RNF130: variants seen among roughly 807,000 people sequenced by gnomAD.
The protein encoded by RNF130 is ring finger protein 130.
RNF130 carries 21 observed loss-of-function variants against 44.6 expected under a neutral mutation model. The observed-to-expected ratio is 0.47, with a 90% CI of 0.33 to 0.68. RNF130 has a LOEUF of 0.68. RNF130 is among the 30% of genes least tolerant of loss of function. RNF130 has a pLI of 0.02. For synonymous variants in RNF130, 214 were observed against 210.4 expected, an observed-to-expected ratio of 1.02 and a Z score of -0.15; for missense variants, 479 against 560.6, an observed-to-expected ratio of 0.85 and a Z score of 1.47.
chr5:179,964,816 T>C (rs1762406389), intron 7 of RNF130, among the ~76,000 whole-genome samples: 1 of 152,226 alleles, frequency 6.6e-6, no homozygotes, highest in Non-Finnish European at 1.5e-5. Context: ...CCCCTATCTT[T>C]TAGACACCAG....
chr5:179,967,106 A>G, intron 6 of RNF130, 96 bp from the exon 7 acceptor site: 1 of 1,085,200 alleles, frequency 9.2e-7, no homozygotes, highest in Non-Finnish European at 1.4e-6. Context: ...CCTGTTGCAA[A>G]GACCTTACCA....
At chr5:180,062,380 G>A (rs1334154110) in intron 1 of RNF130, among the ~76,000 whole-genome samples, 1 of 151,892 alleles carries the variant, frequency 6.6e-6, no homozygotes, top group Non-Finnish European at 1.5e-5. Context: ...CTTTTATAAG[G>A]GCACTAATCC....
chr5:179,958,812 C>T (rs1762265249), intron 8 of RNF130, among the ~76,000 whole-genome samples: 1 of 152,102 alleles, frequency 6.6e-6, no homozygotes, highest in Non-Finnish European at 1.5e-5. Flanking sequence ...TCAGCCTTAG[C>T]TGGGATTACA....
At chr5:180,038,279 T>G (rs1764297589) in intron 2 of RNF130, among the ~76,000 whole-genome samples, 1 of 151,682 alleles carries the variant, frequency 6.6e-6, no homozygotes, top group Non-Finnish European at 1.5e-5. Flanking sequence ...GGTCTCGAAC[T>G]CCTGGGCTCA....
At chr5:179,966,048 A>C (rs1762435959) in intron 7 of RNF130, among the ~76,000 whole-genome samples, 1 of 152,178 alleles carries the variant, frequency 6.6e-6, no homozygotes, top group Admixed American at 6.5e-5. Flanking sequence ...GATGAAAGGA[A>C]CATGTAGAGA....
chr5:179,963,513 C>A lies in RNF130; in HGVS notation c.1202G>T (p.Cys401Phe). 1.2e-6 allele frequency: 2 copies of A among 1,614,050 alleles called. No homozygotes were observed. Among genetic ancestry groups the A allele is most frequent in the Non-Finnish European group, 1.7e-6 (2 of 1,179,932 alleles). The change falls in exon 8 of 9, where the codon TGC becomes TTC. Residue 401 changes from cysteine to phenylalanine, a missense_variant. Transcript: ENST00000521389. ...SFGLLSALTLCYMIIRATASL... is the reference protein window; with the variant it reads ...SFGLLSALTLFYMIIRATASL... ...AGCTGTGGCTCTGATGATCATGTAG[C>A]AGAGTGTGAGGGCACTGAGGAGGCC...
chr5:180,053,316 C>T (rs1179970330), intron 1 of RNF130, among the ~76,000 whole-genome samples: 1 of 152,090 alleles, frequency 6.6e-6, no homozygotes, highest in Non-Finnish European at 1.5e-5. Context: ...CCAATGCAGG[C>T]CCCGAACAGA....
At chr5:179,915,539 C>T (rs958772149) in exon 8 of RNF130, 1 of 152,244 alleles carries the variant, frequency 6.6e-6, no homozygotes, top group Non-Finnish European at 1.5e-5. Flanking sequence ...GCCCAGGAAC[C>T]AGGCCTGGAA....
rs139966208 is a variant in RNF130 at position 180,023,814 on chromosome 5, T to C, written c.443-10503A>G. On this transcript the variant is annotated intron_variant, in intron 2 of 8. Coordinates refer to ENST00000521389, the MANE Select transcript of RNF130 (RefSeq NM_018434.6). ...ACTCTACCCTAAGGGAGATGGAGCA[T>C]AAATCCCCACTTATTAAGTGTGGGC... is the stretch of plus-strand genomic sequence containing the variant. Among the ~76,000 whole-genome samples, 15 of 152,336 alleles carry C rather than the reference T, an allele frequency of 9.8e-5. No individual in the cohort carries two copies. In the East Asian group the frequency reaches 2.1e-3, roughly 22 times the overall value.
chr5:180,013,008 T>C (rs1004001799), intron 3 of RNF130, 53 bp downstream of exon 3: 1 of 1,563,132 alleles, frequency 6.4e-7, no homozygotes, highest in Admixed American at 1.9e-5. Flanking sequence ...TCACGACAGA[T>C]GACTGTGAAC....
In RNF130 at chr5:179,949,649, T is replaced by C. The variant is rs574916635; in HGVS notation, c.1150+17157A>G. ...AACAAAAATTATTCAACTTTATACA[T>C]TGCTTCTATTTGTAAATCTGACTTC... On this transcript the variant is annotated intron_variant, in intron 7 of 7. Coordinates refer to the RNF130 transcript ENST00000522208. Among the ~76,000 whole-genome samples, 9 of 152,312 alleles carry C rather than the reference T, an allele frequency of 5.9e-5. No homozygotes were observed. In the South Asian group the frequency reaches 1.0e-3, roughly 18 times the overall value.
At chr5:179,938,355 A>G (rs1375001532) in intron 7 of RNF130, among the ~76,000 whole-genome samples, 3 of 151,908 alleles carry the variant, frequency 2.0e-5, no homozygotes, top group African/African-American at 7.3e-5. Flanking sequence ...GCACCAGAAC[A>G]GGTATATCAT....
At chr5:179,918,315 CACGTAATTTCAT>C (rs1761581536) in exon 8 of RNF130, 1 of 152,222 alleles carries the variant, frequency 6.6e-6, no homozygotes, top group Non-Finnish European at 1.5e-5. Flanking sequence ...TACTTCTTCT[CACGTAATTTCAT>C]ACCTTTTCAG....
rs561870668 is a variant in RNF130 at position 180,001,922 on chromosome 5, G to A, written c.693+11139C>T. Among the ~76,000 whole-genome samples the A allele has an allele frequency of 6.3e-4, 96 of 152,252 alleles. 1 individual carries two copies. The highest frequency in any genetic ancestry group is 2.1e-3 in the African/African-American group (86 of 41,552). On this transcript the variant is annotated intron_variant, in intron 3 of 8. Coordinates refer to ENST00000521389, the MANE Select transcript of RNF130 (RefSeq NM_018434.6). ...GGCAAGGTGTCTCAGCTCAGTCACC[G>A]CTCTATTTCTCTGGGACATGGTGTA...
intron 3 of RNF130, among the ~76,000 whole-genome samples, chr5:179,998,933 T>A (rs1223324825): frequency 1.4e-5 from 2 of 146,090 alleles, no homozygotes; most frequent in Non-Finnish European, 3.0e-5. Context: ...ATATTTACAA[T>A]GATTATATCC....
At chr5:180,053,973 C>T (rs1035012225) in intron 1 of RNF130, among the ~76,000 whole-genome samples, 4 of 151,828 alleles carry the variant, frequency 2.6e-5, no homozygotes, top group African/African-American at 7.3e-5. Context: ...GGGACTACTA[C>T]ACCCAGCTAA....
At chr5:179,927,226 G>A (rs1047143911) in intron 7 of RNF130, among the ~76,000 whole-genome samples, 6 of 152,192 alleles carry the variant, frequency 3.9e-5, no homozygotes, top group Admixed American at 3.9e-4. Context: ...ACAAGCAGCT[G>A]AATTTCAGAG....
At chr5:180,066,448 T>C (rs527865284) in intron 1 of RNF130, among the ~76,000 whole-genome samples, 11 of 152,282 alleles carry the variant, frequency 7.2e-5, no homozygotes, top group African/African-American at 2.4e-4. Flanking sequence ...CTAATATACC[T>C]TCCCAATATG....
intron 1 of RNF130, among the ~76,000 whole-genome samples, chr5:180,051,306 G>A (rs1339289156): frequency 6.6e-6 from 1 of 151,154 alleles, no homozygotes; most frequent in Non-Finnish European, 1.5e-5. Flanking sequence ...CTGGAATGCA[G>A]TGGTGCGATC....
Sources: allele counts gnomAD v4.1 joint callset (sites outside exome capture counted in the v4.1 genomes callset), GRCh38; gene constraint gnomAD v4.1.1; transcripts MANE v1.5; gene names NCBI Gene and HGNC (gene_info 2026-07-23, HGNC 2026-07-21).